The following ASTN2 variants were observed in gnomAD, a reference collection of about 807,000 sequenced individuals.
The protein encoded by ASTN2 is astrotactin-2.
A neutral mutation model predicts 139.8 loss-of-function variants in ASTN2; 54 were observed. The ratio of observed to expected loss-of-function variants is 0.39; its 90% CI spans 0.31 to 0.48. ASTN2 has a LOEUF of 0.48. ASTN2 is among the 20% of genes least tolerant of loss of function. The probability of loss-of-function intolerance (pLI) is 0.95; values close to 1 mark genes in which losing one functional copy is unlikely to be tolerated. For synonymous variants in ASTN2, 756 were observed against 719.5 expected, an observed-to-expected ratio of 1.05 and a Z score of -0.81; for missense variants, 1,565 against 1,725.1, an observed-to-expected ratio of 0.91 and a Z score of 1.64.
At chr9:117,133,372 C>G (rs954437874) in intron 4 of ASTN2, among the ~76,000 whole-genome samples, 5 of 152,140 alleles carry the variant, frequency 3.3e-5, no homozygotes, top group Non-Finnish European at 5.9e-5. Context: ...CAAAGTTGAG[C>G]CAGTCAGTGG....
chr9:116,861,203 C>T (rs1267106729), intron 11 of ASTN2, among the ~76,000 whole-genome samples: 1 of 141,944 alleles, frequency 7.0e-6, no homozygotes, highest in Non-Finnish European at 1.5e-5. Context: ...CAAAGAGAGA[C>T]AAGCCCAAGC....
chr9:116,430,419 AAATT>A (rs1260030887), intron 22 of ASTN2, among the ~76,000 whole-genome samples: 1 of 152,252 alleles, frequency 6.6e-6, no homozygotes, highest in Non-Finnish European at 1.5e-5. Context: ...GTTCATGAGC[AAATT>A]ATTCAATGCC....
At chr9:116,667,076 C>T (rs1858913735) in intron 16 of ASTN2, among the ~76,000 whole-genome samples, 1 of 149,700 alleles carries the variant, frequency 6.7e-6, no homozygotes, top group East Asian at 2.0e-4. Flanking sequence ...CTACCTCAGC[C>T]TCCCAAGTAG....
chr9:116,463,918 T>G (rs1047335240), intron 20 of ASTN2, among the ~76,000 whole-genome samples: 1 of 149,968 alleles, frequency 6.7e-6, no homozygotes, highest in Non-Finnish European at 1.5e-5. Flanking sequence ...GTTTTTTTTT[T>G]TTTTTTTTTG....
chr9:116,506,658 G>A (rs898268599), intron 19 of ASTN2, among the ~76,000 whole-genome samples: 8 of 152,154 alleles, frequency 5.3e-5, no homozygotes, highest in African/African-American at 1.9e-4. Context: ...GGGCAGGAAG[G>A]GGATTGCTGT....
At chr9:116,905,622 G>C (rs562716873) in intron 10 of ASTN2, among the ~76,000 whole-genome samples, 10 of 152,218 alleles carry the variant, frequency 6.6e-5, no homozygotes, top group African/African-American at 2.4e-4. Context: ...AAATTGCCTA[G>C]TACAATAAGA....
At chr9:116,694,018 C>T (rs931695026) in intron 16 of ASTN2, among the ~76,000 whole-genome samples, 2 of 152,158 alleles carry the variant, frequency 1.3e-5, no homozygotes, top group African/African-American at 4.8e-5. Flanking sequence ...TTCCGTGCCT[C>T]ATGCTTTAGT....
At chr9:116,523,751 C>T (rs1850976600) in intron 19 of ASTN2, among the ~76,000 whole-genome samples, 1 of 152,122 alleles carries the variant, frequency 6.6e-6, no homozygotes, top group Non-Finnish European at 1.5e-5. Flanking sequence ...TTAATCCAGC[C>T]TTTGAGACCA....
At chr9:116,912,975 C>T (rs2132423393) in intron 10 of ASTN2, among the ~76,000 whole-genome samples, 1 of 152,036 alleles carries the variant, frequency 6.6e-6, no homozygotes, top group East Asian at 1.9e-4. Context: ...CTCGGCTCGG[C>T]TCACGGCAAC....
intron 6 of ASTN2, among the ~76,000 whole-genome samples, chr9:117,020,713 G>T (rs10115701): frequency 0.21 from 31,666 of 152,066 alleles, 3,992 homozygotes; most frequent in Non-Finnish European, 0.27. Flanking sequence ...TCTACCTAGG[G>T]AGAGAGTGAG....
intron 3 of ASTN2, among the ~76,000 whole-genome samples, chr9:117,148,376 T>A (rs1226795747): frequency 6.6e-6 from 1 of 152,230 alleles, no homozygotes; most frequent in Non-Finnish European, 1.5e-5. Flanking sequence ...TCATTACTCA[T>A]CTTTCTCTCA....
At chr9:117,005,537 C>CA (rs1837330762) in intron 7 of ASTN2, among the ~76,000 whole-genome samples, 1 of 152,148 alleles carries the variant, frequency 6.6e-6, no homozygotes, top group African/African-American at 2.4e-5. Flanking sequence ...AATGACACAG[C>CA]AAAGGTGGCT....
chr9:116,866,376 G>C (rs1833014030), intron 10 of ASTN2, among the ~76,000 whole-genome samples: 1 of 152,154 alleles, frequency 6.6e-6, no homozygotes, highest in Admixed American at 6.5e-5. Context: ...GCAGCACAGG[G>C]ACAAAGGAGA....
intron 10 of ASTN2, among the ~76,000 whole-genome samples, chr9:116,916,698 G>A (rs185019762): frequency 1.3e-5 from 2 of 152,188 alleles, no homozygotes. Flanking sequence ...AAATTAACTA[G>A]GTGTGGTGGT....
At chr9:116,516,630 GA>G (rs1440771364) in intron 19 of ASTN2, among the ~76,000 whole-genome samples, 1 of 152,162 alleles carries the variant, frequency 6.6e-6, no homozygotes, top group East Asian at 1.9e-4. Context: ...CCCTTTGAAG[GA>G]ACTAGATCAC....
chr9:116,522,786 T>C (rs2119245125), intron 19 of ASTN2, among the ~76,000 whole-genome samples: 1 of 152,212 alleles, frequency 6.6e-6, no homozygotes, highest in Middle Eastern at 3.4e-3. Context: ...AAAACTGAGG[T>C]TGTATGACTT....
intron 20 of ASTN2, among the ~76,000 whole-genome samples, chr9:116,462,680 G>A (rs1039285771): frequency 5.3e-5 from 8 of 152,064 alleles, no homozygotes; most frequent in Non-Finnish European, 1.0e-4. Context: ...ATATAGGAAC[G>A]ATGGGATAAT....
At chr9:117,293,627 T>C (rs1587919628) in intron 1 of ASTN2, among the ~76,000 whole-genome samples, 1 of 152,138 alleles carries the variant, frequency 6.6e-6, no homozygotes, top group East Asian at 1.9e-4. Flanking sequence ...AGGTCTCCTC[T>C]CAGCACCTTC....
rs553641664 is a variant in ASTN2 at position 116,733,505 on chromosome 9, C to T, written c.2415G>A (p.Lys805=). ...GCCCATCGGCCAGCTGGGGAAAGTCCTTGATGAAGTTGTTCTCCCTGTGGA... is the reference window on the plus strand; with the variant it reads ...GCCCATCGGCCAGCTGGGGAAAGTCTTTGATGAAGTTGTTCTCCCTGTGGA... ...QMTFRENNFI[K]DFPQLADGLL... The change falls in exon 14 of 23, where the codon AAG becomes AAA. Residue 805 remains lysine (K), a synonymous_variant. Transcript: ENST00000313400. The T allele has an allele frequency of 1.2e-6, 2 of 1,614,174 alleles. No individual in the cohort carries two copies. Among genetic ancestry groups the T allele is most frequent in the Admixed American group, 3.3e-5 (2 of 60,026 alleles).
Sources: allele counts gnomAD v4.1 joint callset (sites outside exome capture counted in the v4.1 genomes callset), GRCh38; gene constraint gnomAD v4.1.1; transcripts MANE v1.5; gene names NCBI Gene and HGNC (gene_info 2026-07-23, HGNC 2026-07-21).